Variants in LPAR1 observed in about 807,000 individuals in gnomAD.
The protein encoded by LPAR1 is lysophosphatidic acid receptor 1.
LPAR1 carries 5 observed loss-of-function variants against 23.8 expected under a neutral mutation model. The observed-to-expected ratio is 0.21, with a 90% CI of 0.11 to 0.44. LPAR1 has a LOEUF of 0.44. LPAR1 is among the 20% of genes least tolerant of loss of function. LPAR1 has a pLI of 0.99. For missense variants in LPAR1, 311 were observed against 482.8 expected (o/e 0.64, Z 3.33); for synonymous variants, 160 against 164.7 (o/e 0.97, Z 0.22).
intron 2 of LPAR1, among the ~76,000 whole-genome samples, chr9:111,034,008 T>C (rs1395363943): frequency 1.3e-5 from 2 of 152,232 alleles, no homozygotes; most frequent in African/African-American, 2.4e-5. Flanking sequence ...TGTGAACCTA[T>C]AAAGCTCCTG....
At chr9:111,018,790 T>G (rs1053205246) in intron 2 of LPAR1, among the ~76,000 whole-genome samples, 3 of 152,224 alleles carry the variant, frequency 2.0e-5, no homozygotes, top group African/African-American at 7.2e-5. Context: ...ATCTCACTCT[T>G]AATCAGTCTA....
At chr9:111,028,606 A>G (rs889705173) in intron 2 of LPAR1, among the ~76,000 whole-genome samples, 3 of 141,008 alleles carry the variant, frequency 2.1e-5, no homozygotes, top group Non-Finnish European at 3.1e-5. Flanking sequence ...TAAATTCTTA[A>G]TTAGAAAAAG....
chr9:111,030,922 A>C (rs1001500234), intron 2 of LPAR1, among the ~76,000 whole-genome samples: 15 of 152,178 alleles, frequency 9.9e-5, no homozygotes, highest in African/African-American at 3.1e-4. Flanking sequence ...ACACACAAAC[A>C]TACATATGAG....
intron 2 of LPAR1, among the ~76,000 whole-genome samples, chr9:110,988,357 T>C (rs7031034): frequency 0.24 from 36,889 of 151,746 alleles, 4,499 homozygotes; most frequent in South Asian, 0.3. Flanking sequence ...TTTTATTATA[T>C]AAGTATCTGA....
chr9:110,941,717 A>C lies in LPAR1; in HGVS notation c.497T>G (p.Val166Gly). 6.2e-7 allele frequency: 1 copy of C among 1,614,158 alleles called. No individual in the cohort carries two copies. ...CATAGTCCAGATGACCACAATGACC[A>C]CCACTACCCGCCGGTTGCTCATCCG... is the stretch of plus-strand genomic sequence containing the variant. The part of the protein sequence containing the change: ...HTRMSNRRVV[V>G]VIVVIWTMAI... The change falls in exon 5 of 6, where the codon GTG becomes GGG. Residue 166 changes from valine to glycine, a missense_variant. Around this residue, in one of 2 missense-constraint regions of LPAR1, gnomAD observed 250 missense variants for 427.2 expected, o/e 0.59. Coordinates refer to ENST00000683809, the MANE Select transcript of LPAR1 (RefSeq NM_001351411.2). This position sits in a 1 kb window ranked among gnomAD's most constrained non-coding sequence, Gnocchi z 6.1.
At chr9:110,925,807 C>T (rs2093979327) in intron 5 of LPAR1, among the ~76,000 whole-genome samples, 1 of 152,200 alleles carries the variant, frequency 6.6e-6, no homozygotes, top group South Asian at 2.1e-4. Context: ...TCTCAACAAT[C>T]TCCTCATTTG....
At chr9:111,036,590 C>G (rs1314953675) in intron 1 of LPAR1, among the ~76,000 whole-genome samples, 1 of 152,112 alleles carries the variant, frequency 6.6e-6, no homozygotes, top group Non-Finnish European at 1.5e-5. Flanking sequence ...TCACCAACCC[C>G]TTCCATTTTC....
At chr9:110,886,172 G>T (rs488428) in intron 5 of LPAR1, among the ~76,000 whole-genome samples, 141,155 of 149,440 alleles carry the variant, frequency 0.94, 67,415 homozygotes, top group Non-Finnish European at 0.97. Flanking sequence ...CACTCCAGCC[G>T]GAGCAACAAG....
chr9:110,925,596 C>A (rs1242442337), intron 5 of LPAR1, among the ~76,000 whole-genome samples: 1 of 152,124 alleles, frequency 6.6e-6, no homozygotes, highest in African/African-American at 2.4e-5. Context: ...TGGGAAAATG[C>A]CACTCATCAT....
intron 2 of LPAR1, among the ~76,000 whole-genome samples, chr9:111,010,931 C>T (rs2097319481): frequency 6.6e-6 from 1 of 152,140 alleles, no homozygotes; most frequent in East Asian, 1.9e-4. Flanking sequence ...TTCCTCTGAT[C>T]TTTGAAAAAG....
chr9:110,964,346 G>A (rs146444324), intron 4 of LPAR1, among the ~76,000 whole-genome samples: 183 of 152,226 alleles, frequency 1.2e-3, no homozygotes, highest in African/African-American at 4.3e-3. Context: ...AAAAGCAACT[G>A]AAGAAACCTG....
chr9:110,892,955 T>C (rs1187867744), intron 5 of LPAR1, among the ~76,000 whole-genome samples: 3 of 152,134 alleles, frequency 2.0e-5, no homozygotes, highest in South Asian at 2.1e-4. Context: ...TCCAGCAATA[T>C]CTGTGGCTGG....
At chr9:110,891,378 A>T (rs572434943) in intron 5 of LPAR1, among the ~76,000 whole-genome samples, 37 of 152,230 alleles carry the variant, frequency 2.4e-4, no homozygotes, top group Non-Finnish European at 4.4e-4. Context: ...GGGAAGATTC[A>T]ATACTTTTAA....
At chr9:110,997,686 T>A (rs1242798305) in intron 2 of LPAR1, among the ~76,000 whole-genome samples, 5 of 152,216 alleles carry the variant, frequency 3.3e-5, no homozygotes, top group East Asian at 1.9e-4. Context: ...TATGTCTGAT[T>A]ACATGCCATT....
At chr9:110,993,754 A>G (rs2096941725) in intron 2 of LPAR1, among the ~76,000 whole-genome samples, 1 of 152,200 alleles carries the variant, frequency 6.6e-6, no homozygotes, top group African/African-American at 2.4e-5. Context: ...GAAAGGTGCC[A>G]GGCTCCTTGG....
intron 4 of LPAR1, among the ~76,000 whole-genome samples, chr9:110,965,514 T>C (rs1485891798): frequency 6.6e-6 from 1 of 152,056 alleles, no homozygotes; most frequent in Admixed American, 6.6e-5. Context: ...AACAAACATA[T>C]GAAAAAAAGC....
At chr9:110,971,134 C>CA (rs1419963447) in intron 4 of LPAR1, among the ~76,000 whole-genome samples, 1 of 151,728 alleles carries the variant, frequency 6.6e-6, no homozygotes, top group Non-Finnish European at 1.5e-5. Flanking sequence ...GGCTCTCTCT[C>CA]AAAAAAATAA....
At chr9:110,903,529 T>C (rs1450362517) in intron 5 of LPAR1, 4 of 151,784 alleles carry the variant, frequency 2.6e-5, no homozygotes, top group Admixed American at 1.3e-4. Context: ...AATAGTAAAA[T>C]GAAGGTGACA....
intron 5 of LPAR1, among the ~76,000 whole-genome samples, chr9:110,918,077 T>A (rs1360378274): frequency 3.3e-5 from 5 of 151,956 alleles, no homozygotes; most frequent in Non-Finnish European, 5.9e-5. Context: ...TAACTTTTGT[T>A]TTTTGTTTGT....
Sources: allele counts gnomAD v4.1 joint callset (sites outside exome capture counted in the v4.1 genomes callset), GRCh38; gene constraint gnomAD v4.1.1; regional missense constraint gnomAD v4.1.1; non-coding constraint Gnocchi (gnomAD v3.1); transcripts MANE v1.5; gene names NCBI Gene and HGNC (gene_info 2026-07-23, HGNC 2026-07-21).